ZNF185: variants seen among roughly 807,000 people sequenced by gnomAD.
The protein encoded by ZNF185 is zinc finger protein 185.
ZNF185 carries 56 observed loss-of-function variants against 58.6 expected under a neutral mutation model. That is an observed-to-expected ratio of 0.95 (90% CI 0.77 to 1.19). The LOEUF (loss-of-function observed/expected upper bound fraction) is 1.19, where lower values mean the gene tolerates loss of function less well. ZNF185 is among the 50% of genes most tolerant of loss of function. The pLI, the probability that ZNF185 is intolerant of heterozygous loss-of-function variation, is 0.00. For synonymous variants in ZNF185, 230 were observed against 215.9 expected (o/e 1.07, Z -0.57); for missense variants, 627 against 573.5 (o/e 1.09, Z -0.95).
chrX:152,936,000 T>C (rs1556881331), intron 14 of ZNF185, among the ~76,000 whole-genome samples: 1 of 112,603 alleles, frequency 8.9e-6, no homozygotes, highest in African/African-American at 3.2e-5. Flanking sequence ...AAACAGCCAC[T>C]GGGCCCTGTG....
At chrX:152,898,842 A>G in the ZNF185 span, among the ~76,000 whole-genome samples, 1 of 112,211 alleles carries the variant, frequency 8.9e-6, no homozygotes, top group Non-Finnish European at 1.9e-5. Context: ...GATTGTTTTG[A>G]TGGGGGCAGA....
chrX:152,908,604 T>C, the ZNF185 span, among the ~76,000 whole-genome samples: 1 of 112,526 alleles, frequency 8.9e-6, no homozygotes, highest in Non-Finnish European at 1.9e-5. Context: ...ACGGTGCAGC[T>C]GGGTGAGTCT....
intron 16 of ZNF185, among the ~76,000 whole-genome samples, chrX:152,948,112 G>A (rs1028596179): frequency 8.9e-6 from 1 of 111,768 alleles, no homozygotes; most frequent in African/African-American, 3.3e-5. Flanking sequence ...AAAGACTACC[G>A]TCATGGAAAC....
At chrX:152,953,988 G>A (rs962692288) in intron 16 of ZNF185, among the ~76,000 whole-genome samples, 3 of 111,596 alleles carry the variant, frequency 2.7e-5, no homozygotes, top group African/African-American at 9.8e-5. Flanking sequence ...TGATTCACCC[G>A]CCTTGGCCTC....
chrX:152,914,614 G>T, intron 1 of ZNF185, 91 bp downstream of exon 2: 1 of 1,160,779 alleles, frequency 8.6e-7, no homozygotes. Context: ...TGTCCCAGCA[G>T]CAAAGGGAGA....
At chrX:152,917,058 G>T in intron 3 of ZNF185, 73 bp from the exon 5 acceptor site, 1 of 1,183,423 alleles carries the variant, frequency 8.5e-7, no homozygotes, top group Non-Finnish European at 1.1e-6. Context: ...TATCGTTAAG[G>T]GCAGGATAAA....
chrX:152,950,992 A>G (rs1469359128), intron 16 of ZNF185, among the ~76,000 whole-genome samples: 1 of 112,555 alleles, frequency 8.9e-6, no homozygotes, highest in Non-Finnish European at 1.9e-5. Flanking sequence ...CAGTATTTTG[A>G]TAAGACATAA....
chrX:152,951,007 T>G (rs1556899560), intron 16 of ZNF185, among the ~76,000 whole-genome samples: 2 of 112,314 alleles, frequency 1.8e-5, no homozygotes, highest in Non-Finnish European at 3.8e-5. Flanking sequence ...ACATAAAATC[T>G]TTGCCTCTTA....
the ZNF185 span, among the ~76,000 whole-genome samples, chrX:152,903,407 AAAAAAAAAGAAAAGG>A: frequency 9.3e-6 from 1 of 107,083 alleles, no homozygotes; most frequent in Non-Finnish European, 1.9e-5. Context: ...AAAAAAAAAA[AAAAAAAAAGAAAAGG>A]AAAAAAAAGA....
intron 12 of ZNF185, among the ~76,000 whole-genome samples, chrX:152,930,108 C>T: frequency 8.9e-6 from 1 of 112,288 alleles, no homozygotes; most frequent in Non-Finnish European, 1.9e-5. Flanking sequence ...GGTTAAGTAA[C>T]TTGCTCAAGG....
rs782606064 is a variant in ZNF185, at chrX:152,929,188, A to G, written c.917+527A>G. On this transcript the variant is annotated intron_variant, in intron 12 of 22. Transcript: ENST00000449285. Reference sequence around the variant, plus strand: ...GTGGGGTCACTGGGTCAGAGTCCACAGCTCTCCATGCCACTAGGCTCTGTG... The same window carrying G: ...GTGGGGTCACTGGGTCAGAGTCCACGGCTCTCCATGCCACTAGGCTCTGTG... 8.1e-5 allele frequency among the ~76,000 whole-genome samples: 9 copies of G among 111,640 alleles called. No individual in the cohort carries two copies. In the East Asian group the frequency reaches 2.6e-3, roughly 32 times the overall value.
rs183697877 is a variant in ZNF185, at chrX:152,966,752, C to G, written c.1800-415C>G. ...ACCTTTGTCTCCCCAAAAAGAAACTCCAAACCCGTCTGCACCCCCTAATTC... is the reference window on the plus strand; with the variant it reads ...ACCTTTGTCTCCCCAAAAAGAAACTGCAAACCCGTCTGCACCCCCTAATTC... On this transcript the variant is annotated intron_variant, in intron 19 of 22. Transcript: ENST00000449285. 8.0e-5 allele frequency among the ~76,000 whole-genome samples: 9 copies of G among 111,849 alleles called. No homozygotes were observed. In the East Asian group the frequency reaches 2.5e-3, roughly 32 times the overall value.
At chrX:152,943,391 A>T (rs147019877) in intron 15 of ZNF185, among the ~76,000 whole-genome samples, 1 of 112,376 alleles carries the variant, frequency 8.9e-6, no homozygotes. Context: ...CTTTGGTCCA[A>T]TTACACTCAG....
chrX:152,912,567 C>T (rs781797286), upstream of ZNF185, among the ~76,000 whole-genome samples: 23 of 111,638 alleles, frequency 2.1e-4, no homozygotes, highest in South Asian at 8.6e-3. Context: ...CTGCTTGCCA[C>T]GCTCATATGT....
upstream of ZNF185, among the ~76,000 whole-genome samples, chrX:152,912,062 G>A (rs868973853): frequency 1.5e-4 from 15 of 101,370 alleles, no homozygotes; most frequent in Admixed American, 2.1e-4. Context: ...CACTTTAAAG[G>A]CTCCTTGTCC....
intron 7 of ZNF185, among the ~76,000 whole-genome samples, chrX:152,919,865 A>G (rs980580297): frequency 4.4e-5 from 5 of 112,806 alleles, no homozygotes; most frequent in Admixed American, 9.3e-5. Flanking sequence ...GGCTATCCTC[A>G]GGGAACAGTT....
At chrX:152,959,835 G>A in exon 17 of ZNF185, 1 of 1,211,564 alleles carries the variant, frequency 8.3e-7, no homozygotes, top group Non-Finnish European at 1.1e-6. Context: ...CAGTACCCCA[G>A]AACAGCAGAA....
chrX:152,930,543 A>G (rs1242898308), intron 12 of ZNF185, among the ~76,000 whole-genome samples: 2 of 111,126 alleles, frequency 1.8e-5, no homozygotes, highest in Non-Finnish European at 3.8e-5. Flanking sequence ...CGCCATGTTG[A>G]GAGTGGGCCT....
chrX:152,918,004 G>A, intron 5 of ZNF185, 61 bp from the exon 7 acceptor site: 1 of 1,164,854 alleles, frequency 8.6e-7, no homozygotes, highest in South Asian at 1.9e-5. Flanking sequence ...TGGGCTGTGT[G>A]GCCAAATCTG....
Sources: gnomAD v4.1 joint callset for allele counts (sites outside exome capture counted in the v4.1 genomes callset) on GRCh38, gnomAD v4.1.1 for gene constraint, MANE v1.5 for transcripts, NCBI Gene and HGNC (gene_info 2026-07-23, HGNC 2026-07-21) for gene names.